The following BIRC6 variants were observed in gnomAD, a reference collection of about 807,000 sequenced individuals.
BIRC6 encodes the protein baculoviral IAP repeat containing 6, also known as dual E2 ubiquitin-conjugating enzyme/E3 ubiquitin-protein ligase BIRC6.
A neutral mutation model predicts 503.3 loss-of-function variants in BIRC6; 98 were observed. The observed-to-expected ratio is 0.19, with a 90% CI of 0.17 to 0.23. BIRC6 has a LOEUF of 0.23. Among genes scored for constraint, BIRC6 ranks in the 10% least tolerant of loss-of-function variants. The probability of loss-of-function intolerance (pLI) is 1.00; values close to 1 mark genes in which losing one functional copy is unlikely to be tolerated. For synonymous variants in BIRC6, 2,240 were observed against 2,078.7 expected (o/e 1.08, Z -2.11); for missense variants, 5,360 against 5,806.0 (o/e 0.92, Z 2.50).
In BIRC6 at chr2:32,547,879, A is replaced by C; in HGVS notation, c.12840A>C (p.Thr4280=). 6.2e-7 allele frequency: 1 copy of C among 1,608,046 alleles called. No individual in the cohort carries two copies. The highest frequency in any genetic ancestry group is 1.7e-4 in the Middle Eastern group (1 of 6,030). The change falls in exon 64 of 74, where the codon ACA becomes ACC. Residue 4280 remains threonine (T), a synonymous_variant. Transcript: ENST00000421745. Reference sequence around the variant, plus strand: ...AGGTGTCAAGCTCTCATAACCCTACATCAACAGAAGAACAACAGTTATATT... The same window carrying C: ...AGGTGTCAAGCTCTCATAACCCTACCTCAACAGAAGAACAACAGTTATATT... ...EPQVSSSHNP[T]STEEQQLYWA...
intron 15 of BIRC6, among the ~76,000 whole-genome samples, chr2:32,436,641 G>A (rs79731718): frequency 1.3e-5 from 2 of 151,950 alleles, no homozygotes; most frequent in East Asian, 1.9e-4. Context: ...GTGTAGTGGC[G>A]CTATCTTTGC....
intron 45 of BIRC6, among the ~76,000 whole-genome samples, chr2:32,496,852 A>G (rs965653112): frequency 6.6e-6 from 1 of 152,094 alleles, no homozygotes; most frequent in Non-Finnish European, 1.5e-5. Flanking sequence ...TCTTATGCAT[A>G]TGTCTCATGG....
intron 12 of BIRC6, 150 bp downstream of exon 12, chr2:32,431,240 G>C (rs1442220964): frequency 1.1e-5 from 5 of 467,750 alleles, no homozygotes; most frequent in Non-Finnish European, 1.7e-5. Context: ...CTGTCACCCA[G>C]GCTGGAGTGC....
At chr2:32,419,756 A>G (rs1477634066) in intron 10 of BIRC6, among the ~76,000 whole-genome samples, 1 of 152,202 alleles carries the variant, frequency 6.6e-6, no homozygotes, top group Non-Finnish European at 1.5e-5. Context: ...ATTCAGAAGG[A>G]GGATAATAAG....
chr2:32,594,702 AGATG>A (rs60252004), intron 67 of BIRC6, among the ~76,000 whole-genome samples: 18 of 149,076 alleles, frequency 1.2e-4, no homozygotes, highest in Non-Finnish European at 1.0e-4. Flanking sequence ...GTTTCCAGAT[AGATG>A]GATGGATGGA....
At chr2:32,366,721 G>T (rs1177993838) in intron 1 of BIRC6, among the ~76,000 whole-genome samples, 1 of 152,018 alleles carries the variant, frequency 6.6e-6, no homozygotes, top group African/African-American at 2.4e-5. Flanking sequence ...TGGGCTAATG[G>T]CCTGTAATCC....
Position 32,515,397 on chromosome 2 carries a change from T to G in BIRC6, c.10976T>G (p.Ile3659Ser), listed in dbSNP as rs773755872. 3.5e-5 allele frequency: 56 copies of G among 1,613,258 alleles called. No homozygotes were observed. The highest frequency in any genetic ancestry group is 4.5e-5 in the Non-Finnish European group (53 of 1,179,884). The change falls in exon 55 of 74, where the codon ATT becomes AGT. Residue 3659 changes from isoleucine to serine, a missense_variant. By Grantham distance (142) the Ile-to-Ser change is moderately radical. This residue lies in a region of BIRC6 where 878 missense variants were observed against 928.9 expected (regional missense o/e 0.95). Transcript: ENST00000421745. Reference protein sequence around the residue: ...SSESIAQSIDISQDKLRRHHV... With the variant: ...SSESIAQSIDSSQDKLRRHHV... ...GAAAGCATTGCCCAGTCAATAGATA[T>G]TTCCCAGGACAAACTCAGGCGCCAT... is the stretch of plus-strand genomic sequence containing the variant.
intron 65 of BIRC6, among the ~76,000 whole-genome samples, chr2:32,562,738 T>G (rs1002636682): frequency 2.0e-5 from 3 of 152,246 alleles, no homozygotes; most frequent in Admixed American, 6.5e-5. Context: ...AATATACATT[T>G]AAGTTTTGTC....
intron 19 of BIRC6, chr2:32,443,278 G>C: frequency 2.1e-6 from 1 of 475,482 alleles, no homozygotes; most frequent in Non-Finnish European, 3.7e-6. Context: ...CTGTTGTAAA[G>C]ATAAGGGTTT....
chr2:32,407,609 G>T (rs1453473679), intron 9 of BIRC6, among the ~76,000 whole-genome samples: 1 of 152,076 alleles, frequency 6.6e-6, no homozygotes, highest in Non-Finnish European at 1.5e-5. Flanking sequence ...AATCTTTTTA[G>T]AAGAGGAATG....
intron 1 of BIRC6, among the ~76,000 whole-genome samples, chr2:32,359,106 C>T (rs983950330): frequency 5.3e-5 from 8 of 152,330 alleles, no homozygotes; most frequent in Middle Eastern, 3.4e-3. Context: ...GACTGCATTT[C>T]TCCAATCCTC....
chr2:32,591,027 C>T (rs1427051050), intron 66 of BIRC6: 2 of 957,532 alleles, frequency 2.1e-6, no homozygotes, highest in East Asian at 2.3e-4. Context: ...TGACAGTAAC[C>T]TGCAACTTTT....
chr2:32,431,019 TCAACATTTGCATCAG>T lies in BIRC6; in HGVS notation c.3183_3197del (p.Leu1062_His1066del). 1 of 1,613,446 alleles carries T rather than the reference TCAACATTTGCATCAG, an allele frequency of 6.2e-7. No homozygotes were observed. Among genetic ancestry groups the T allele is most frequent in the Non-Finnish European group, 8.5e-7 (1 of 1,179,766 alleles). ...AAGAACAGCAGCAAAGGAGGCATCC[TCAACATTTGCATCAG>T]CAACACCATGGTGATGCTGCTCAGC... is the stretch of plus-strand genomic sequence containing the variant. On this transcript the variant is annotated inframe_deletion, in exon 12 of 74. Transcript: ENST00000421745.
At position 32,377,776 on chromosome 2, in the gene BIRC6, T is replaced by C; in HGVS notation, c.507+7T>C. ...TGAATTACCCGTTACAGAGGTAAGTTGAAATAAGTATCAATGTGGTCCTCT... is the reference window on the plus strand; with the variant it reads ...TGAATTACCCGTTACAGAGGTAAGTCGAAATAAGTATCAATGTGGTCCTCT... On this transcript the variant is annotated splice_region_variant and intron_variant, in intron 2 of 73. Transcript: ENST00000421745. 6.2e-7 allele frequency: 1 copy of C among 1,607,170 alleles called. No homozygotes were observed. The highest frequency in any genetic ancestry group is 8.5e-7 in the Non-Finnish European group (1 of 1,176,488).
intron 10 of BIRC6, among the ~76,000 whole-genome samples, chr2:32,427,313 G>C (rs189370390): frequency 2.8e-4 from 43 of 151,058 alleles, no homozygotes; most frequent in Non-Finnish European, 4.7e-4. Flanking sequence ...ACAAAGTCTT[G>C]CTCTTGTCGC....
chr2:32,440,515 TA>T (rs1262678067), intron 16 of BIRC6, among the ~76,000 whole-genome samples: 1 of 152,126 alleles, frequency 6.6e-6, no homozygotes, highest in Non-Finnish European at 1.5e-5. Flanking sequence ...CATCATTATT[TA>T]TAAGGAATCA....
intron 9 of BIRC6, among the ~76,000 whole-genome samples, chr2:32,408,960 A>AT (rs1292879279): frequency 6.6e-6 from 1 of 152,150 alleles, no homozygotes. Flanking sequence ...ATGGAGGCTT[A>AT]TAGAGTAGTC....
chr2:32,587,334 C>G (rs1160837439), intron 66 of BIRC6, among the ~76,000 whole-genome samples: 2 of 152,240 alleles, frequency 1.3e-5, no homozygotes, highest in East Asian at 3.9e-4. Flanking sequence ...TTACAGTAAG[C>G]CGAGATTTCG....
chr2:32,529,587 A>G lies in BIRC6; in HGVS notation c.11921-64A>G, dbSNP rs868503884. On this transcript the variant is annotated intron_variant, in intron 59 of 73. Coordinates refer to ENST00000421745, the MANE Select transcript of BIRC6 (RefSeq NM_016252.4). ...GCCTGTAATTTAGTAAAAGCAGATA[A>G]TAATTAAACCAAGTAAATGTTTCTT... 78 of 1,361,956 alleles carry G rather than the reference A, an allele frequency of 5.7e-5. No homozygotes were observed. The African/African-American group carries it at 9.9e-4, about 17-fold the overall frequency. 84.4% of individuals were successfully genotyped at this position (1,361,956 alleles called of 1,614,324 possible). A position where few individuals can be genotyped will look rare whatever the true frequency, so the allele number is the denominator to read the frequency against.
Sources: allele counts gnomAD v4.1 joint callset (sites outside exome capture counted in the v4.1 genomes callset), GRCh38; gene constraint gnomAD v4.1.1; regional missense constraint gnomAD v4.1.1; transcripts MANE v1.5; gene names NCBI Gene and HGNC (gene_info 2026-07-23, HGNC 2026-07-21).